The following SLFN5 variants were observed in gnomAD, a reference collection of about 807,000 sequenced individuals.
The protein encoded by SLFN5 is schlafen family member 5.
In SLFN5, 34 loss-of-function variants were observed where a neutral mutation model predicts 48.5. The observed-to-expected ratio is 0.70, with a 90% CI of 0.53 to 0.93. The LOEUF (loss-of-function observed/expected upper bound fraction) is 0.93, where lower values mean the gene tolerates loss of function less well. SLFN5 is among the 40% of genes least tolerant of loss of function. The pLI is 0.00. For missense variants in SLFN5, 1,006 were observed against 1,071.3 expected (o/e 0.94, Z 0.85); for synonymous variants, 387 against 396.2 (o/e 0.98, Z 0.28).
At position 35,259,409 on chromosome 17, in the gene SLFN5, G is replaced by T; in HGVS notation, c.719G>T (p.Gly240Val). The change falls in exon 2 of 5, where the codon GGA becomes GTA. Residue 240 changes from glycine (G) to valine (V), a missense_variant. Gly to Val is a moderately radical substitution (Grantham distance 109). Transcript: ENST00000299977. The part of the protein sequence containing the change: ...GVHDETCQVI[G>V]CEKEKIDLTS... ...CATGATGAGACTTGTCAAGTGATTG[G>T]ATGTGAAAAAGAGAAAATAGACCTT... 1 of 1,614,204 alleles carries T rather than the reference G, an allele frequency of 6.2e-7. No homozygotes were observed. The highest frequency in any genetic ancestry group is 2.2e-5 in the East Asian group (1 of 44,884).
rs576861548 is a variant in SLFN5, at chr17:35,271,423, T to C, written c.*5535T>C. On this transcript the variant is annotated 3_prime_UTR_variant, in exon 5 of 5. Transcript: ENST00000299977. ...GGTTAAGTCTATACATATTATTTTC[T>C]AATTGCCTATTATGTCAGACTACAT... 5.8e-4 allele frequency: 89 copies of C among 152,328 alleles called. No individual in the cohort carries two copies. Among genetic ancestry groups the C allele is most frequent in the African/African-American group, 1.9e-3 (80 of 41,586 alleles). 9.4% of individuals were successfully genotyped at this position (152,328 alleles called of 1,614,324 possible). A position where few individuals can be genotyped will look rare whatever the true frequency, so the allele number is the denominator to read the frequency against.
At chr17:35,252,592 G>A (rs1343845390) in intron 1 of SLFN5, among the ~76,000 whole-genome samples, 1 of 150,632 alleles carries the variant, frequency 6.6e-6, no homozygotes, top group East Asian at 1.9e-4. Context: ...CACTGGTTTT[G>A]AACAATTTAA....
In SLFN5 at chr17:35,258,740, A is replaced by G. The variant is rs768974221; in HGVS notation, c.50A>G (p.Asp17Gly). Residue 17 changes from aspartate (D) to glycine (G), a missense_variant, in exon 2 of 5, where the codon GAT (aspartate) becomes GGT (glycine). Asp to Gly is a moderately conservative substitution (Grantham distance 94). Transcript: ENST00000299977. ...ACAAACTTTCCTGAGTGTGTTGTAG[A>G]TGCAGGAAAAGTCACCCTTGGGACT... ...VDTNFPECVVDAGKVTLGTQQ... is the reference protein window; with the variant it reads ...VDTNFPECVVGAGKVTLGTQQ... 6 of 1,614,042 alleles carry G rather than the reference A, an allele frequency of 3.7e-6. No homozygotes were observed. The highest frequency in any genetic ancestry group is 3.3e-5 in the South Asian group (3 of 91,080).
rs1215057368 is a variant in SLFN5 at position 35,269,472 on chromosome 17, G to A, written c.*3584G>A. 1 of 151,916 alleles carries A rather than the reference G, an allele frequency of 6.6e-6. No homozygotes were observed. Among genetic ancestry groups the A allele is most frequent in the Non-Finnish European group, 1.5e-5 (1 of 67,982 alleles). 9.4% of individuals were successfully genotyped at this position (151,916 alleles called of 1,614,324 possible). A position where few individuals can be genotyped will look rare whatever the true frequency, so the allele number is the denominator to read the frequency against. Reference sequence around the variant, plus strand: ...CTTCTGTTTCAATCCATAAAACCAGGGTTTGGATCATTTTAAAAAAACAAA... The same window carrying A: ...CTTCTGTTTCAATCCATAAAACCAGAGTTTGGATCATTTTAAAAAAACAAA... On this transcript the variant is annotated 3_prime_UTR_variant, in exon 5 of 5. Coordinates refer to ENST00000299977, the MANE Select transcript of SLFN5 (RefSeq NM_144975.4).
Position 35,265,404 on chromosome 17 carries a change from A to G in SLFN5, c.2192A>G (p.Gln731Arg). ...CAACAAGTAATGCAGGAAGCCCGAC[A>G]AAATCCTCCACCTAACCTCCCCCCT... ...YLQQVMQEAR[Q>R]NPPPNLPPGS... Residue 731 changes from glutamine to arginine, a missense_variant, in exon 5 of 5, where the codon CAA (glutamine) becomes CGA (arginine). Coordinates refer to ENST00000299977, the MANE Select transcript of SLFN5 (RefSeq NM_144975.4). 6.2e-7 allele frequency: 1 copy of G among 1,614,222 alleles called. No homozygotes were observed. Among genetic ancestry groups the G allele is most frequent in the Non-Finnish European group, 8.5e-7 (1 of 1,180,042 alleles).
rs773090779 is a variant in SLFN5 at position 35,259,211 on chromosome 17, C to G, written c.521C>G (p.Ala174Gly). The change falls in exon 2 of 5, where the codon GCT becomes GGT. Residue 174 changes from alanine to glycine, a missense_variant. By Grantham distance (60) the Ala-to-Gly change is moderately conservative. Coordinates refer to ENST00000299977, the MANE Select transcript of SLFN5 (RefSeq NM_144975.4). ...GGTAACATAAATGTGTCAGCTGCTG[C>G]TTTATTTGATAGAAAGCGGCTTCAG... ...YEGNINVSAAALFDRKRLQYL... is the reference protein window; with the variant it reads ...YEGNINVSAAGLFDRKRLQYL... The G allele has an allele frequency of 1.2e-6, 2 of 1,614,108 alleles. No homozygotes were observed. The highest frequency in any genetic ancestry group is 2.2e-5 in the East Asian group (1 of 44,890).
chr17:35,258,708 T>G lies in SLFN5; in HGVS notation c.18T>G (p.Asp6Glu). 1 of 1,613,784 alleles carries G rather than the reference T, an allele frequency of 6.2e-7. No homozygotes were observed. Among genetic ancestry groups the G allele is most frequent in the Non-Finnish European group, 8.5e-7 (1 of 1,179,786 alleles). The part of the protein sequence containing the change: MSLRI[D>E]VDTNFPECVV... The stretch of plus-strand genomic sequence containing the variant: ...CTGAGAAGATGAGTCTTAGGATTGA[T>G]GTGGATACAAACTTTCCTGAGTGTG... The change falls in exon 2 of 5, where the codon GAT (aspartate) becomes GAG (glutamate). Residue 6 changes from aspartate to glutamate, a missense_variant. Transcript: ENST00000299977.
At chr17:35,245,197 G>C (rs1343040055) in intron 1 of SLFN5, among the ~76,000 whole-genome samples, 2 of 152,198 alleles carry the variant, frequency 1.3e-5, no homozygotes, top group Non-Finnish European at 2.9e-5. Flanking sequence ...TGAATTGCCA[G>C]CATCACTACT....
intron 1 of SLFN5, among the ~76,000 whole-genome samples, chr17:35,251,397 T>G (rs779099545): frequency 5.6e-4 from 85 of 152,030 alleles, no homozygotes; most frequent in East Asian, 7.7e-4. Context: ...AATTTGGGGT[T>G]TTTTTTTGTT....
chr17:35,263,695 C>A (rs576826037), intron 3 of SLFN5, among the ~76,000 whole-genome samples: 1 of 151,714 alleles, frequency 6.6e-6, no homozygotes, highest in African/African-American at 2.4e-5. Flanking sequence ...TGGTGGCACA[C>A]GCCTTTGGTC....
At position 35,270,942 on chromosome 17, in the gene SLFN5, A is replaced by G. The variant is rs576899149; in HGVS notation, c.*5054A>G. 1 of 152,346 alleles carries G rather than the reference A, an allele frequency of 6.6e-6. No individual in the cohort carries two copies. Among genetic ancestry groups the G allele is most frequent in the South Asian group, 2.1e-4 (1 of 4,824 alleles). The allele number at this position is 152,346 out of a possible 1,614,324, so 9.4% of individuals were successfully genotyped here. On this transcript the variant is annotated 3_prime_UTR_variant, in exon 5 of 5. Coordinates refer to ENST00000299977, the MANE Select transcript of SLFN5 (RefSeq NM_144975.4). ...TATAGGTCAAGCATAACACATTACA[A>G]TCAAGATTCAGAACATCAAAGATTC...
At position 35,247,205 on chromosome 17, in the gene SLFN5, T is replaced by A. The variant is rs117506463; in HGVS notation, c.-41+4062T>A. On this transcript the variant is annotated intron_variant, in intron 1 of 4. Transcript: ENST00000299977. The stretch of plus-strand genomic sequence containing the variant: ...CAAACTAATCATACAGGATGTTCAT[T>A]TCTAGTTAGCCTGCTTCCAACTTCC... 1.2e-4 allele frequency among the ~76,000 whole-genome samples: 19 copies of A among 152,354 alleles called. No homozygotes were observed. The East Asian group carries it at 3.1e-3, about 25-fold the overall frequency.
rs57606643 is a variant in SLFN5, at chr17:35,253,690, G to GT, written c.-40-4936dup. 4.0e-3 allele frequency among the ~76,000 whole-genome samples: 301 copies of GT among 76,052 alleles called. 3 individuals are homozygous for GT. The highest frequency in any genetic ancestry group is 4.9e-3 in the Non-Finnish European group (217 of 44,466). The allele number at this position is 76,052 out of a possible 152,430, so 49.9% of individuals were successfully genotyped here. On this transcript the variant is annotated intron_variant, in intron 1 of 4. Coordinates refer to ENST00000299977, the MANE Select transcript of SLFN5 (RefSeq NM_144975.4). ...GTGCCTGGCCTGAGTATAGCTAACA[G>GT]TTTTTTTTTTTTTTTTTTTTTTTTT...
chr17:35,258,059 T>C (rs1207928293), intron 1 of SLFN5, among the ~76,000 whole-genome samples: 1 of 152,224 alleles, frequency 6.6e-6, no homozygotes, highest in African/African-American at 2.4e-5. Context: ...AGTTACTAAA[T>C]ACACAGCATA....
rs969813529 is a variant in SLFN5 at position 35,272,525 on chromosome 17, G to T, written c.*6637G>T. On this transcript the variant is annotated 3_prime_UTR_variant, in exon 5 of 5. Transcript: ENST00000299977. Reference sequence around the variant, plus strand: ...AAGTATGGCCCTCAATCAGAAACCAGGAAGGAAAATATTGACTATTTTAAA... The same window carrying T: ...AAGTATGGCCCTCAATCAGAAACCATGAAGGAAAATATTGACTATTTTAAA... 2.0e-5 allele frequency: 3 copies of T among 152,022 alleles called. No individual in the cohort carries two copies. Among genetic ancestry groups the T allele is most frequent in the Non-Finnish European group, 2.9e-5 (2 of 68,002 alleles). 9.4% of individuals were successfully genotyped at this position (152,022 alleles called of 1,614,324 possible).
intron 1 of SLFN5, among the ~76,000 whole-genome samples, chr17:35,255,922 A>G (rs553577312): frequency 1.3e-5 from 2 of 152,202 alleles, no homozygotes; most frequent in East Asian, 3.9e-4. Context: ...TTTCTTTATG[A>G]TATTACTACC....
At chr17:35,250,768 CT>C (rs2092440635) in intron 1 of SLFN5, among the ~76,000 whole-genome samples, 1 of 152,058 alleles carries the variant, frequency 6.6e-6, no homozygotes, top group Non-Finnish European at 1.5e-5. Flanking sequence ...ACAAGGAAGC[CT>C]GTTAAAAGGA....
In SLFN5 at chr17:35,272,814, T is replaced by C. The variant is rs1035437922; in HGVS notation, c.*6926T>C. 6.6e-6 allele frequency: 1 copy of C among 152,156 alleles called. No homozygotes were observed. The highest frequency in any genetic ancestry group is 2.4e-5 in the African/African-American group (1 of 41,434). The allele number at this position is 152,156 out of a possible 1,614,324, so 9.4% of individuals were successfully genotyped here. ...ATAGCAGAAGTATCAATTGACAAAA[T>C]TACTCAGATTGGTAACAAACTTTAA... is the stretch of plus-strand genomic sequence containing the variant. On this transcript the variant is annotated 3_prime_UTR_variant, in exon 5 of 5. Transcript: ENST00000299977.
In SLFN5 at chr17:35,273,340, A is replaced by C. The variant is rs1904881426; in HGVS notation, c.*7452A>C. ...ACAGATGGGTGCCAGAGTGAAAAAAAGATAGCTTTTGCTTTTTATGACTTT... is the reference window on the plus strand; with the variant it reads ...ACAGATGGGTGCCAGAGTGAAAAAACGATAGCTTTTGCTTTTTATGACTTT... On this transcript the variant is annotated 3_prime_UTR_variant, in exon 5 of 5. Transcript: ENST00000299977. 1 of 152,228 alleles carries C rather than the reference A, an allele frequency of 6.6e-6. No individual in the cohort carries two copies. The highest frequency in any genetic ancestry group is 2.4e-5 in the African/African-American group (1 of 41,460). The allele number at this position is 152,228 out of a possible 1,614,324, so 9.4% of individuals were successfully genotyped here. A position where few individuals can be genotyped will look rare whatever the true frequency, so the allele number is the denominator to read the frequency against.
Sources: allele counts gnomAD v4.1 joint callset (sites outside exome capture counted in the v4.1 genomes callset), GRCh38; gene constraint gnomAD v4.1.1; transcripts MANE v1.5; gene names NCBI Gene and HGNC (gene_info 2026-07-23, HGNC 2026-07-21).